The following HMBOX1 variants were observed in gnomAD, a reference collection of about 807,000 sequenced individuals.
HMBOX1 encodes homeobox containing 1.
A neutral mutation model predicts 54.5 loss-of-function variants in HMBOX1; 14 were observed. That is an observed-to-expected ratio of 0.26 (90% confidence interval 0.17 to 0.40). The LOEUF (loss-of-function observed/expected upper bound fraction) is 0.40. Among genes scored for constraint, HMBOX1 ranks in the 10% least tolerant of loss-of-function variants. HMBOX1 has a pLI of 1.00. For missense variants in HMBOX1, 332 were observed against 514.4 expected, an observed-to-expected ratio of 0.65 and a Z score of 3.43; for synonymous variants, 160 against 181.0, an observed-to-expected ratio of 0.88 and a Z score of 0.93.
intron 3 of HMBOX1, among the ~76,000 whole-genome samples, chr8:28,975,474 G>C (rs987909481): frequency 6.6e-6 from 1 of 152,184 alleles, no homozygotes; most frequent in Non-Finnish European, 1.5e-5. Flanking sequence ...AGGTCTGTAA[G>C]TAACAGTGAA....
chr8:28,925,524 A>C (rs1281417431), intron 1 of HMBOX1, among the ~76,000 whole-genome samples: 1 of 152,180 alleles, frequency 6.6e-6, no homozygotes, highest in Non-Finnish European at 1.5e-5. Flanking sequence ...TTTTGAAAGC[A>C]CATAGAGTTC....
In HMBOX1 at chr8:28,902,104, A is replaced by G. The variant is rs77570967; in HGVS notation, c.-58+11426A>G. Among the ~76,000 whole-genome samples the G allele has an allele frequency of 6.6e-5, 10 of 152,288 alleles. No homozygotes were observed. In the East Asian group the frequency reaches 1.9e-3, roughly 29 times the overall value. ...AAATAGTTTAGTTTTCATGTTATGT[A>G]TATGAATTGGATTCCTAGTTGAAGT... On this transcript the variant is annotated intron_variant, in intron 1 of 9. Coordinates refer to ENST00000287701, the MANE Select transcript of HMBOX1 (RefSeq NM_001135726.3).
At chr8:29,047,052 C>T (rs955247222) in intron 7 of HMBOX1, among the ~76,000 whole-genome samples, 1 of 152,198 alleles carries the variant, frequency 6.6e-6, no homozygotes, top group Non-Finnish European at 1.5e-5. Flanking sequence ...ATAGTACTGT[C>T]ACATGGACGT....
chr8:28,907,983 C>A (rs1190665702), intron 1 of HMBOX1, among the ~76,000 whole-genome samples: 1 of 151,856 alleles, frequency 6.6e-6, no homozygotes, highest in Non-Finnish European at 1.5e-5. Context: ...TTATCTGGGA[C>A]CACAGGTACA....
chr8:29,015,163 A>G (rs1834816986), intron 5 of HMBOX1, among the ~76,000 whole-genome samples: 1 of 152,172 alleles, frequency 6.6e-6, no homozygotes, highest in Admixed American at 6.5e-5. Flanking sequence ...AATAAACCCC[A>G]ATACCAAGAA....
intron 6 of HMBOX1, among the ~76,000 whole-genome samples, chr8:29,044,142 G>T (rs1181838879): frequency 2.0e-5 from 3 of 152,112 alleles, no homozygotes; most frequent in Non-Finnish European, 2.9e-5. Context: ...AGTGTTAGGA[G>T]CTGGGTTTGC....
intron 1 of HMBOX1, among the ~76,000 whole-genome samples, chr8:28,921,293 G>T (rs1817515494): frequency 6.6e-6 from 1 of 152,210 alleles, no homozygotes; most frequent in Non-Finnish European, 1.5e-5. Context: ...CTGAGATCAT[G>T]CCACCGCACT....
chr8:28,918,440 T>G (rs771636847), intron 1 of HMBOX1, among the ~76,000 whole-genome samples: 6 of 151,666 alleles, frequency 4.0e-5, no homozygotes, highest in Non-Finnish European at 7.4e-5. Flanking sequence ...CCTGACCTTG[T>G]GATCCGCCTG....
At chr8:28,952,760 A>G (rs1823711087) in intron 1 of HMBOX1, among the ~76,000 whole-genome samples, 1 of 152,256 alleles carries the variant, frequency 6.6e-6, no homozygotes, top group South Asian at 2.1e-4. Context: ...ACGAGTATCT[A>G]TAGGTCTATC....
chr8:28,993,433 A>G (rs1831295770), intron 4 of HMBOX1, among the ~76,000 whole-genome samples: 1 of 152,202 alleles, frequency 6.6e-6, no homozygotes, highest in Non-Finnish European at 1.5e-5. Flanking sequence ...AGCATATTGT[A>G]TGATAACAAA....
At chr8:28,906,442 G>A (rs990011023) in intron 1 of HMBOX1, among the ~76,000 whole-genome samples, 7 of 152,106 alleles carry the variant, frequency 4.6e-5, no homozygotes, top group Admixed American at 1.3e-4. Flanking sequence ...GTTATTTTGT[G>A]TATTTGTGTG....
chr8:28,947,179 A>G (rs1270413259), intron 1 of HMBOX1, among the ~76,000 whole-genome samples: 2 of 152,198 alleles, frequency 1.3e-5, no homozygotes, highest in Non-Finnish European at 2.9e-5. Context: ...TAGCAAGGCA[A>G]TATAAAATGT....
chr8:28,938,591 C>T (rs780152453), intron 1 of HMBOX1, among the ~76,000 whole-genome samples: 3 of 151,662 alleles, frequency 2.0e-5, no homozygotes, highest in African/African-American at 4.8e-5. Context: ...GGATTACAGG[C>T]GCACACCACC....
chr8:29,024,376 ATAAT>A (rs1801686672), intron 6 of HMBOX1, among the ~76,000 whole-genome samples: 1 of 152,216 alleles, frequency 6.6e-6, no homozygotes, highest in Admixed American at 6.5e-5. Context: ...TGTGCATTCT[ATAAT>A]TAAACAAGCA....
chr8:29,011,097 C>G (rs552914873), intron 5 of HMBOX1, among the ~76,000 whole-genome samples: 2 of 152,122 alleles, frequency 1.3e-5, no homozygotes, highest in East Asian at 3.9e-4. Flanking sequence ...TGAAATGCAT[C>G]GGAAAATAAA....
intron 8 of HMBOX1, chr8:29,048,633 C>T (rs946857169): frequency 4.4e-5 from 8 of 180,712 alleles, no homozygotes; most frequent in South Asian, 1.8e-4. Context: ...TTTGTAAATA[C>T]ACTTTTTATT....
intron 4 of HMBOX1, among the ~76,000 whole-genome samples, chr8:28,985,890 G>T (rs895321479): frequency 6.8e-6 from 1 of 147,302 alleles, no homozygotes; most frequent in Non-Finnish European, 1.5e-5. Context: ...TCACCATCCA[G>T]CCCCAGAGTG....
At chr8:28,937,424 C>G (rs2131976400) in intron 1 of HMBOX1, among the ~76,000 whole-genome samples, 1 of 152,260 alleles carries the variant, frequency 6.6e-6, no homozygotes, top group Non-Finnish European at 1.5e-5. Context: ...GGATCAGTTT[C>G]TGTATGACAT....
At chr8:28,960,765 C>CTTTTTTTTTTTTTTTTTTT (rs1162477676) in intron 1 of HMBOX1, among the ~76,000 whole-genome samples, 16 of 16,264 alleles carry the variant, frequency 9.8e-4, no homozygotes, top group Non-Finnish European at 2.0e-3. Context: ...TTTTCTTTTT[C>CTTTTTTTTTTTTTTTTTTT]TTTTTTTTTT....
Sources: gnomAD v4.1 joint callset for allele counts (sites outside exome capture counted in the v4.1 genomes callset) on GRCh38, gnomAD v4.1.1 for gene constraint, MANE v1.5 for transcripts, NCBI Gene and HGNC (gene_info 2026-07-23, HGNC 2026-07-21) for gene names.